The following HEMK2 variants were observed in gnomAD, a reference collection of about 807,000 sequenced individuals.
HEMK2 encodes the protein methyltransferase HEMK2.
chr21:28,843,120 C>T, the HEMK2 span, among the ~76,000 whole-genome samples: 10 of 152,076 alleles, frequency 6.6e-5, no homozygotes, highest in African/African-American at 2.2e-4. Context: ...TAATAGTATC[C>T]TCATGAACTT....
the HEMK2 span, among the ~76,000 whole-genome samples, chr21:28,654,483 A>T: frequency 6.6e-6 from 1 of 152,198 alleles, no homozygotes; most frequent in Non-Finnish European, 1.5e-5. Context: ...AAAGTTAGAG[A>T]TCCATAAAGC....
chr21:28,695,271 C>G, the HEMK2 span, among the ~76,000 whole-genome samples: 1 of 152,162 alleles, frequency 6.6e-6, no homozygotes, highest in Non-Finnish European at 1.5e-5. Flanking sequence ...CCCTCCAAAT[C>G]TCATGTTGAA....
chr21:28,624,006 C>T, the HEMK2 span, among the ~76,000 whole-genome samples: 164 of 152,128 alleles, frequency 1.1e-3, no homozygotes, highest in African/African-American at 3.3e-3. Flanking sequence ...TGCCAATTTG[C>T]GGTGTCAAGC....
At chr21:28,767,384 A>AT in the HEMK2 span, among the ~76,000 whole-genome samples, 20 of 152,078 alleles carry the variant, frequency 1.3e-4, no homozygotes, top group African/African-American at 4.6e-4. Flanking sequence ...TAAAAAAAAA[A>AT]TTTAAGAGCT....
chr21:28,792,280 G>A, the HEMK2 span, among the ~76,000 whole-genome samples: 1 of 152,156 alleles, frequency 6.6e-6, no homozygotes, highest in African/African-American at 2.4e-5. Context: ...AACATAGCCT[G>A]TTCTGCCTAT....
At chr21:28,877,431 A>T in the HEMK2 span, among the ~76,000 whole-genome samples, 8 of 151,052 alleles carry the variant, frequency 5.3e-5, no homozygotes, top group African/African-American at 1.9e-4. Context: ...AGAAAGAGAG[A>T]GAGAAGGAAG....
the HEMK2 span, among the ~76,000 whole-genome samples, chr21:28,853,472 T>C: frequency 6.6e-6 from 1 of 151,682 alleles, no homozygotes; most frequent in African/African-American, 2.4e-5. Context: ...GATTTCTGTT[T>C]ATATAAATTA....
chr21:28,592,926 T>C, the HEMK2 span, among the ~76,000 whole-genome samples: 2 of 152,208 alleles, frequency 1.3e-5, no homozygotes, highest in African/African-American at 4.8e-5. Flanking sequence ...AGTCAGGAAT[T>C]ATGGTGATGC....
At chr21:28,848,830 G>T in the HEMK2 span, among the ~76,000 whole-genome samples, 14,738 of 152,146 alleles carry the variant, frequency 0.097, 962 homozygotes, top group African/African-American at 0.18. Flanking sequence ...ATACACACAT[G>T]GAGGCCAGCA....
At chr21:28,584,932 G>A in the HEMK2 span, among the ~76,000 whole-genome samples, 195 of 152,226 alleles carry the variant, frequency 1.3e-3, no homozygotes, top group African/African-American at 4.4e-3. Context: ...GAGAATTTTA[G>A]TTAAAAGTGG....
At chr21:28,623,172 G>A in the HEMK2 span, among the ~76,000 whole-genome samples, 92 of 152,130 alleles carry the variant, frequency 6.0e-4, no homozygotes, top group African/African-American at 1.8e-3. Context: ...AAAAGTGGGC[G>A]AGGACATGAA....
the HEMK2 span, among the ~76,000 whole-genome samples, chr21:28,578,988 G>GA: frequency 6.6e-5 from 10 of 152,226 alleles, no homozygotes; most frequent in African/African-American, 1.7e-4. Context: ...TTGGAAATGG[G>GA]AAAAAAATGT....
At chr21:28,770,047 A>G in the HEMK2 span, among the ~76,000 whole-genome samples, 1 of 152,124 alleles carries the variant, frequency 6.6e-6, no homozygotes, top group Non-Finnish European at 1.5e-5. Flanking sequence ...ACTGTCTGAG[A>G]GCTGAATTTT....
chr21:28,646,110 T>A, the HEMK2 span, among the ~76,000 whole-genome samples: 2 of 152,188 alleles, frequency 1.3e-5, no homozygotes, highest in African/African-American at 4.8e-5. Flanking sequence ...TGATGAAATA[T>A]CTGTGTCTTG....
chr21:28,585,329 C>CTAAATAAATAAATAAATAAA, the HEMK2 span, among the ~76,000 whole-genome samples: 1 of 141,320 alleles, frequency 7.1e-6, no homozygotes. Flanking sequence ...AAGACTCTGT[C>CTAAATAAATAAATAAATAAA]TAAATAAATA....
the HEMK2 span, among the ~76,000 whole-genome samples, chr21:28,656,174 TA>T: frequency 5.3e-5 from 8 of 152,152 alleles, no homozygotes; most frequent in East Asian, 3.9e-4. Context: ...ATCTCTTAAC[TA>T]GGGGGGGAAG....
the HEMK2 span, among the ~76,000 whole-genome samples, chr21:28,647,333 A>C: frequency 9.0e-6 from 1 of 111,334 alleles, no homozygotes; most frequent in African/African-American, 5.3e-5. Flanking sequence ...AAAAAAAAAA[A>C]AAAAAAAAAA....
the HEMK2 span, chr21:28,674,592 C>T: frequency 6.6e-6 from 1 of 152,226 alleles, no homozygotes; most frequent in African/African-American, 2.4e-5. Context: ...GATTGCCCAA[C>T]TGCATTAATT....
chr21:28,880,940 A>AAAAAC, the HEMK2 span, among the ~76,000 whole-genome samples: 1 of 149,716 alleles, frequency 6.7e-6, no homozygotes, highest in African/African-American at 2.4e-5. Flanking sequence ...AAAAAAAAAA[A>AAAAAC]AAAAAAAAAA....
Sources: allele counts gnomAD v4.1 joint callset (sites outside exome capture counted in the v4.1 genomes callset), GRCh38; gene constraint gnomAD v4.1.1; transcripts MANE v1.5; gene names NCBI Gene and HGNC (gene_info 2026-07-23, HGNC 2026-07-21).